Variants in EYA2 observed in about 807,000 individuals in gnomAD.
EYA2 encodes the protein protein phosphatase EYA2.
EYA2 carries 31 observed loss-of-function variants against 69.2 expected under a neutral mutation model. The observed-to-expected ratio is 0.45, with a 90% CI of 0.34 to 0.60. The LOEUF is 0.60. Among genes scored for constraint, EYA2 ranks in the 20% least tolerant of loss-of-function variants. The pLI, the probability that EYA2 is intolerant of heterozygous loss-of-function variation, is 0.02. For synonymous variants in EYA2, 257 were observed against 279.4 expected, an observed-to-expected ratio of 0.92 and a Z score of 0.80; for missense variants, 622 against 701.2, an observed-to-expected ratio of 0.89 and a Z score of 1.28.
At chr20:47,141,198 G>A (rs899626770) in intron 9 of EYA2, among the ~76,000 whole-genome samples, 1 of 152,192 alleles carries the variant, frequency 6.6e-6, no homozygotes, top group Non-Finnish European at 1.5e-5. Flanking sequence ...TTATAAAGTG[G>A]CACAGAGAAA....
At chr20:47,072,366 T>C in intron 6 of EYA2, 114 bp downstream of exon 6, 1 of 1,030,476 alleles carries the variant, frequency 9.7e-7, no homozygotes, top group Non-Finnish European at 1.5e-6. Flanking sequence ...AACCTGCCTC[T>C]TAGTCCCTGG....
At chr20:47,097,238 G>A (rs2032276287) in intron 9 of EYA2, 70 bp downstream of exon 9, 2 of 1,260,480 alleles carry the variant, frequency 1.6e-6, no homozygotes, top group Non-Finnish European at 2.3e-6. Context: ...GTTTGTCCTG[G>A]AAATTGTGCG....
chr20:46,977,244 T>A (rs1980519237), intron 1 of EYA2, among the ~76,000 whole-genome samples: 1 of 152,250 alleles, frequency 6.6e-6, no homozygotes, highest in Admixed American at 6.5e-5. Context: ...AGTGCCCCAA[T>A]GTGGCTGTAA....
intron 1 of EYA2, among the ~76,000 whole-genome samples, chr20:46,935,949 A>G (rs1369663772): frequency 2.6e-5 from 4 of 152,022 alleles, no homozygotes; most frequent in Non-Finnish European, 4.4e-5. Context: ...AAAATCTGAA[A>G]CTTTTTGAGT....
At chr20:47,001,988 G>A (rs1982412658) in intron 3 of EYA2, among the ~76,000 whole-genome samples, 1 of 150,150 alleles carries the variant, frequency 6.7e-6, no homozygotes, top group South Asian at 2.1e-4. Context: ...CTGGAGTGCA[G>A]TGGCGTGATC....
intron 10 of EYA2, among the ~76,000 whole-genome samples, chr20:47,145,727 T>A (rs951677637): frequency 6.6e-6 from 1 of 151,878 alleles, no homozygotes. Context: ...GATGAAACCC[T>A]GTCTCTACTA....
chr20:47,063,174 A>G (rs1016570622), intron 5 of EYA2, among the ~76,000 whole-genome samples: 4 of 152,214 alleles, frequency 2.6e-5, no homozygotes, highest in East Asian at 3.9e-4. Flanking sequence ...ACACATTTTC[A>G]TCGCCCCAAA....
intron 5 of EYA2, among the ~76,000 whole-genome samples, chr20:47,042,396 A>G (rs1985127090): frequency 6.6e-6 from 1 of 152,218 alleles, no homozygotes; most frequent in Non-Finnish European, 1.5e-5. Context: ...TATCTTTTGT[A>G]TCATCACTGG....
chr20:46,934,572 G>A (rs1286545936), intron 1 of EYA2, among the ~76,000 whole-genome samples: 1 of 152,220 alleles, frequency 6.6e-6, no homozygotes, highest in African/African-American at 2.4e-5. Flanking sequence ...GGAGGGTGAA[G>A]CGGGAGAGGC....
At chr20:47,185,369 C>T (rs548662345) in intron 15 of EYA2, among the ~76,000 whole-genome samples, 52 of 141,596 alleles carry the variant, frequency 3.7e-4, no homozygotes, top group South Asian at 1.4e-3. Flanking sequence ...AGCATGATCT[C>T]GGCTCACTGC....
intron 3 of EYA2, among the ~76,000 whole-genome samples, chr20:47,004,307 G>A (rs910257702): frequency 8.5e-5 from 13 of 152,202 alleles, no homozygotes; most frequent in African/African-American, 2.9e-4. Flanking sequence ...AGTCTGATTG[G>A]ATGATCTTGC....
intron 4 of EYA2, among the ~76,000 whole-genome samples, chr20:47,009,684 C>T (rs931778817): frequency 2.6e-5 from 4 of 152,086 alleles, no homozygotes; most frequent in Non-Finnish European, 5.9e-5. Flanking sequence ...CTTAGCAGAC[C>T]ACACAGTCTC....
chr20:46,896,689 AT>A (rs1428318310), intron 1 of EYA2, among the ~76,000 whole-genome samples: 2 of 152,216 alleles, frequency 1.3e-5, no homozygotes, highest in East Asian at 3.9e-4. Context: ...ATTAAAAAAA[AT>A]CTCCTTGCCT....
chr20:46,902,295 G>C (rs933827445), intron 1 of EYA2, among the ~76,000 whole-genome samples: 2 of 152,158 alleles, frequency 1.3e-5, no homozygotes, highest in Non-Finnish European at 2.9e-5. Flanking sequence ...ACACAGAGTT[G>C]TAAGACTTGT....
At chr20:47,013,042 A>G (rs1983173080) in intron 4 of EYA2, among the ~76,000 whole-genome samples, 2 of 152,160 alleles carry the variant, frequency 1.3e-5, no homozygotes, top group Non-Finnish European at 2.9e-5. Flanking sequence ...TTATGATCCA[A>G]CCCCTTCAGC....
At chr20:46,936,309 A>G (rs1294280861) in intron 1 of EYA2, among the ~76,000 whole-genome samples, 2 of 152,160 alleles carry the variant, frequency 1.3e-5, no homozygotes, top group African/African-American at 4.8e-5. Flanking sequence ...TGCCTGTACT[A>G]AAAATACAAA....
At chr20:46,968,091 T>C (rs1290605721) in intron 1 of EYA2, among the ~76,000 whole-genome samples, 6 of 152,212 alleles carry the variant, frequency 3.9e-5, no homozygotes, top group Admixed American at 2.0e-4. Context: ...TGGAGCCTCT[T>C]TTCCCACTTT....
intron 2 of EYA2, among the ~76,000 whole-genome samples, chr20:46,997,233 C>CACTATCATGAGAACAGGATAGAACTT (rs1344773203): frequency 6.6e-6 from 1 of 152,158 alleles, no homozygotes; most frequent in East Asian, 1.9e-4. Flanking sequence ...AAAACTTACT[C>CACTATCATGAGAACAGGATAGAACTT]ACTATCATGA....
chr20:47,109,824 T>C (rs141770529), intron 9 of EYA2, among the ~76,000 whole-genome samples: 7 of 152,302 alleles, frequency 4.6e-5, no homozygotes, highest in Non-Finnish European at 1.0e-4. Flanking sequence ...ACTACTGGCA[T>C]CTAGTGGGTA....
Sources: allele counts gnomAD v4.1 joint callset (sites outside exome capture counted in the v4.1 genomes callset), GRCh38; gene constraint gnomAD v4.1.1; transcripts MANE v1.5; gene names NCBI Gene and HGNC (gene_info 2026-07-23, HGNC 2026-07-21).